The following DPP10 variants were observed in gnomAD, a reference collection of about 807,000 sequenced individuals.
DPP10 encodes the protein dipeptidyl peptidase like 10.
In DPP10, 33 loss-of-function variants were observed where a neutral mutation model predicts 120.9. The observed-to-expected ratio is 0.27, with a 90% CI of 0.21 to 0.37. DPP10 has a LOEUF of 0.37. DPP10 is among the 10% of genes least tolerant of loss of function. DPP10 has a pLI of 1.00. For missense variants in DPP10, 816 were observed against 942.8 expected, an observed-to-expected ratio of 0.87 and a Z score of 1.76; for synonymous variants, 337 against 326.1, an observed-to-expected ratio of 1.03 and a Z score of -0.36.
At chr2:114,991,746 T>C (rs983117302) in intron 1 of DPP10, among the ~76,000 whole-genome samples, 2 of 152,168 alleles carry the variant, frequency 1.3e-5, no homozygotes, top group African/African-American at 4.8e-5. Context: ...GACAGAACCA[T>C]TTTGAGAGCT....
At chr2:115,653,202 C>G (rs2087961800) in intron 5 of DPP10, among the ~76,000 whole-genome samples, 1 of 151,658 alleles carries the variant, frequency 6.6e-6, no homozygotes, top group African/African-American at 2.4e-5. Flanking sequence ...AATGAGAAGA[C>G]AATTTAGGAA....
intron 5 of DPP10, among the ~76,000 whole-genome samples, chr2:115,640,379 C>G (rs933924164): frequency 6.7e-6 from 1 of 149,616 alleles, no homozygotes; most frequent in South Asian, 2.2e-4. Flanking sequence ...CCAGCACTTA[C>G]AACTACTATG....
At chr2:114,482,165 C>A (rs941746528) in intron 1 of DPP10, among the ~76,000 whole-genome samples, 43 of 152,132 alleles carry the variant, frequency 2.8e-4, no homozygotes, top group Middle Eastern at 6.8e-3. Context: ...AACACAGAAC[C>A]AAACCATATT....
intron 1 of DPP10, chr2:115,297,297 A>G (rs905224890): frequency 2.5e-6 from 1 of 397,742 alleles, no homozygotes. Context: ...TTAAATCATA[A>G]AAGTAATTAT....
intron 1 of DPP10, among the ~76,000 whole-genome samples, chr2:114,944,440 C>A (rs1697200981): frequency 6.6e-6 from 1 of 152,066 alleles, no homozygotes; most frequent in Non-Finnish European, 1.5e-5. Context: ...AAACATCCAC[C>A]TTTCATATCT....
intron 1 of DPP10, among the ~76,000 whole-genome samples, chr2:115,037,330 T>C (rs947610220): frequency 6.6e-6 from 1 of 152,254 alleles, no homozygotes; most frequent in African/African-American, 2.4e-5. Context: ...TTACAGATAT[T>C]ACACACATAT....
chr2:115,068,292 T>C (rs1333949392), intron 1 of DPP10, among the ~76,000 whole-genome samples: 1 of 152,040 alleles, frequency 6.6e-6, no homozygotes, highest in Non-Finnish European at 1.5e-5. Context: ...GTTATTGTGG[T>C]TTTAATTTGC....
rs10188488 is a variant in DPP10, at chr2:115,782,250, G to T, written c.1484-102G>T. The T allele has an allele frequency of 3.5e-4, 335 of 957,034 alleles. 1 individual carries two copies. In the African/African-American group the frequency reaches 5.5e-3, roughly 16 times the overall value. 59.3% of individuals were successfully genotyped at this position (957,034 alleles called of 1,614,324 possible). A position where few individuals can be genotyped will look rare whatever the true frequency, so the allele number is the denominator to read the frequency against. On this transcript the variant is annotated intron_variant, in intron 16 of 25. Transcript: ENST00000410059. ...TTCTGTTTTGTTATGTTTTAACCAC[G>T]AAGTGCTTCCATTTGGGGGGAAAAA...
chr2:114,732,694 G>C (rs568814701), intron 1 of DPP10, among the ~76,000 whole-genome samples: 1 of 152,134 alleles, frequency 6.6e-6, no homozygotes, highest in African/African-American at 2.4e-5. Flanking sequence ...ATGTTTGAGG[G>C]AGGAATGCCT....
At chr2:114,996,498 G>A (rs1701093033) in intron 1 of DPP10, among the ~76,000 whole-genome samples, 1 of 151,978 alleles carries the variant, frequency 6.6e-6, no homozygotes, top group African/African-American at 2.4e-5. Context: ...AACACATACT[G>A]AAGACAAGTT....
At chr2:115,381,299 C>A (rs1202484430) in intron 3 of DPP10, among the ~76,000 whole-genome samples, 1 of 152,126 alleles carries the variant, frequency 6.6e-6, no homozygotes, top group Non-Finnish European at 1.5e-5. Context: ...TCATTTCATT[C>A]ATTTCATCTT....
intron 1 of DPP10, among the ~76,000 whole-genome samples, chr2:114,886,922 C>T (rs186349830): frequency 6.6e-6 from 1 of 152,288 alleles, no homozygotes; most frequent in African/African-American, 2.4e-5. Flanking sequence ...CTTCCCACTC[C>T]ACCCCCTAGT....
intron 1 of DPP10, among the ~76,000 whole-genome samples, chr2:114,698,978 A>G (rs920162983): frequency 3.3e-4 from 50 of 152,050 alleles, no homozygotes; most frequent in African/African-American, 1.1e-3. Flanking sequence ...ATTCCCAGTT[A>G]TTACTTCCCA....
chr2:114,988,249 G>A (rs190829551), intron 1 of DPP10, among the ~76,000 whole-genome samples: 4 of 152,286 alleles, frequency 2.6e-5, no homozygotes, highest in African/African-American at 7.2e-5. Context: ...CTTGTTCACT[G>A]AAGCAATCGT....
intron 1 of DPP10, among the ~76,000 whole-genome samples, chr2:114,855,703 A>T: frequency 6.6e-6 from 1 of 152,200 alleles, no homozygotes; most frequent in East Asian, 1.9e-4. Flanking sequence ...CTACCAAAAG[A>T]TCAGCAACTT....
intron 5 of DPP10, among the ~76,000 whole-genome samples, chr2:115,617,272 T>TTTATA (rs2084586228): frequency 7.4e-6 from 1 of 135,876 alleles, no homozygotes; most frequent in African/African-American, 2.8e-5. Flanking sequence ...TATATATTTT[T>TTTATA]TATATATATA....
chr2:115,788,326 TCTC>T (rs1683567201), intron 17 of DPP10, among the ~76,000 whole-genome samples: 1 of 152,008 alleles, frequency 6.6e-6, no homozygotes, highest in Admixed American at 6.6e-5. Context: ...AAATCGATAA[TCTC>T]CTCTTTCACC....
intron 9 of DPP10, among the ~76,000 whole-genome samples, chr2:115,741,087 C>T (rs1677201163): frequency 6.6e-6 from 1 of 152,096 alleles, no homozygotes; most frequent in Admixed American, 6.6e-5. Flanking sequence ...TTTACACTTT[C>T]CTTCTGTTCC....
intron 1 of DPP10, among the ~76,000 whole-genome samples, chr2:114,651,451 G>A (rs1696575317): frequency 6.6e-6 from 1 of 152,076 alleles, no homozygotes; most frequent in African/African-American, 2.4e-5. Context: ...AAACACGATT[G>A]TTGCAACCAC....
Sources: gnomAD v4.1 joint callset for allele counts (sites outside exome capture counted in the v4.1 genomes callset) on GRCh38, gnomAD v4.1.1 for gene constraint, MANE v1.5 for transcripts, NCBI Gene and HGNC (gene_info 2026-07-23, HGNC 2026-07-21) for gene names.